SLC30A5: variants seen among roughly 807,000 people sequenced by gnomAD.
The protein encoded by SLC30A5 is proton-coupled zinc antiporter SLC30A5.
SLC30A5 carries 33 observed loss-of-function variants against 79.6 expected under a neutral mutation model. The ratio of observed to expected loss-of-function variants is 0.41; its 90% CI spans 0.31 to 0.55. The LOEUF is 0.55. SLC30A5 is among the 20% of genes least tolerant of loss of function. The probability of loss-of-function intolerance (pLI) is 0.20; values close to 1 mark genes in which losing one functional copy is unlikely to be tolerated. For missense variants in SLC30A5, 788 were observed against 928.1 expected, an observed-to-expected ratio of 0.85 and a Z score of 1.96; for synonymous variants, 299 against 319.7, an observed-to-expected ratio of 0.94 and a Z score of 0.69.
At chr5:69,104,313 T>C (rs1746020917) in intron 3 of SLC30A5, 1 of 515,370 alleles carries the variant, frequency 1.9e-6, no homozygotes, top group Admixed American at 4.7e-5. Flanking sequence ...CATTTTTGTA[T>C]TTTTAGTAGA....
chr5:69,097,105 TTTTC>T (rs1255631065), intron 1 of SLC30A5, among the ~76,000 whole-genome samples: 13 of 134,878 alleles, frequency 9.6e-5, no homozygotes, highest in African/African-American at 3.8e-4. Context: ...CTTCCTCTCT[TTTTC>T]TTTTTTTTTT....
At chr5:69,098,616 A>C (rs1446756353) in intron 1 of SLC30A5, among the ~76,000 whole-genome samples, 3 of 152,244 alleles carry the variant, frequency 2.0e-5, no homozygotes, top group Non-Finnish European at 4.4e-5. Flanking sequence ...TCATTTAATA[A>C]ATACTCAAGT....
At position 69,117,259 on chromosome 5, in the gene SLC30A5, A is replaced by G. The variant is rs758642308; in HGVS notation, c.1302A>G (p.Leu434=). The G allele has an allele frequency of 6.2e-7, 1 of 1,612,660 alleles. No homozygotes were observed. The highest frequency in any genetic ancestry group is 8.5e-7 in the Non-Finnish European group (1 of 1,179,258). The part of the protein sequence containing the change: ...CLNLLFTFVE[L]FYGVLTNSLG... ...TTTAGCTTTTTACCTTTGTGGAATT[A>G]TTCTATGGCGTGCTGACCAATAGTC... The change falls in exon 11 of 16, where the codon TTA becomes TTG. Residue 434 remains leucine, a synonymous_variant. Transcript: ENST00000396591.
At chr5:69,105,939 TA>T (rs1746069799) in intron 4 of SLC30A5, among the ~76,000 whole-genome samples, 1 of 152,178 alleles carries the variant, frequency 6.6e-6, no homozygotes, top group East Asian at 1.9e-4. Context: ...AGTTATGTCC[TA>T]AAACATCCCC....
In SLC30A5 at chr5:69,104,697, A is replaced by G. The variant is rs774119476; in HGVS notation, c.340A>G (p.Thr114Ala). 2 of 1,593,130 alleles carry G rather than the reference A, an allele frequency of 1.3e-6. No homozygotes were observed. Among genetic ancestry groups the G allele is most frequent in the South Asian group, 1.1e-5 (1 of 87,052 alleles). The change falls in exon 4 of 16, where the codon ACT becomes GCT. Residue 114 changes from threonine (T) to alanine (A), a missense_variant. Coordinates refer to ENST00000396591, the MANE Select transcript of SLC30A5 (RefSeq NM_022902.5). ...IISLLWFFGL[T>A]LCGPLRTLLL... ...TTCACTCTTGTGGTTTTTTGGCCTC[A>G]CTCTTTGTGGACCACTAAGGTAAAT...
At position 69,123,408 on chromosome 5, in the gene SLC30A5, C is replaced by T. The variant is rs1284600913; in HGVS notation, c.1981C>T (p.His661Tyr). The change falls in exon 14 of 16, where the codon CAT becomes TAT. Residue 661 changes from histidine to tyrosine, a missense_variant. His to Tyr is a moderately conservative substitution (Grantham distance 83, BLOSUM62 2). Around this residue, in one of 3 missense-constraint regions of SLC30A5, gnomAD observed 158 missense variants for 156.2 expected, o/e 1.01. Transcript: ENST00000396591. ...GCCACCAGAATATGAAAAAGAACTA[C>T]ATATTGCTTTAGAAAAGGTACTGTA... is the stretch of plus-strand genomic sequence containing the variant. ...RLPPEYEKEL[H>Y]IALEKIQKIE... 3 of 1,612,828 alleles carry T rather than the reference C, an allele frequency of 1.9e-6. No individual in the cohort carries two copies. Among genetic ancestry groups the T allele is most frequent in the African/African-American group, 2.7e-5 (2 of 74,906 alleles).
intron 1 of SLC30A5, among the ~76,000 whole-genome samples, chr5:69,096,967 C>T (rs1745750762): frequency 6.9e-6 from 1 of 145,238 alleles, no homozygotes. Context: ...CCCGCCTTTC[C>T]CCTCCAAAAA....
chr5:69,115,321 G>A lies in SLC30A5; in HGVS notation c.697G>A (p.Gly233Arg). 6.2e-7 allele frequency: 1 copy of A among 1,613,784 alleles called. No homozygotes were observed. The change falls in exon 8 of 16, where the codon GGA becomes AGA. Residue 233 changes from glycine (G) to arginine (R), a missense_variant. By Grantham distance (125) the Gly-to-Arg change is moderately radical. Transcript: ENST00000396591. ...CAGAAAGCTCTCTGTCGACGTTGGT[G>A]GAGCTAAACGTCTTCAAGCTTTATC... ...ASRKLSVDVG[G>R]AKRLQALSHL...
intron 1 of SLC30A5, among the ~76,000 whole-genome samples, chr5:69,100,003 C>G (rs578259250): frequency 2.8e-4 from 43 of 152,354 alleles, no homozygotes; most frequent in African/African-American, 9.9e-4. Context: ...GAGTCTCGCT[C>G]TGTTACCTAG....
intron 5 of SLC30A5, among the ~76,000 whole-genome samples, chr5:69,111,375 G>A (rs1746229451): frequency 6.8e-6 from 1 of 147,580 alleles, no homozygotes. Flanking sequence ...CACAATCTCA[G>A]CTCACTGCAA....
chr5:69,108,247 A>T (rs1746139370), intron 4 of SLC30A5, 102 bp from the exon 5 acceptor site: 9 of 883,726 alleles, frequency 1.0e-5, no homozygotes, highest in Non-Finnish European at 1.6e-5. Context: ...ATGTTTTGTG[A>T]AATCAAGGGG....
At chr5:69,114,655 C>T (rs753612289) in intron 7 of SLC30A5, among the ~76,000 whole-genome samples, 159 bp downstream of exon 7, 12 of 152,150 alleles carry the variant, frequency 7.9e-5, no homozygotes, top group Non-Finnish European at 1.3e-4. Flanking sequence ...CACCTGAGGT[C>T]GGGAGTTCAA....
At chr5:69,124,199 T>G (rs1746613552) in intron 14 of SLC30A5, among the ~76,000 whole-genome samples, 1 of 151,096 alleles carries the variant, frequency 6.6e-6, no homozygotes, top group Non-Finnish European at 1.5e-5. Flanking sequence ...TAAGTTCCCA[T>G]TCTTGTGACC....
intron 5 of SLC30A5, among the ~76,000 whole-genome samples, chr5:69,110,792 T>C (rs1274563718): frequency 6.6e-6 from 1 of 152,004 alleles, no homozygotes; most frequent in Non-Finnish European, 1.5e-5. Context: ...AAAGTATAAA[T>C]CACCCATTTC....
chr5:69,128,004 A>G lies in SLC30A5; in HGVS notation c.1999A>G (p.Ile667Val), dbSNP rs1285022733. Residue 667 changes from isoleucine to valine, a missense_variant and splice_region_variant, in exon 15 of 16, where the codon ATA becomes GTA. Transcript: ENST00000396591. Reference sequence around the variant, plus strand: ...TTATATCACCTCTTTTATTTGACAGATACAGAAAATTGAAGGATTAATATC... The same window carrying G: ...TTATATCACCTCTTTTATTTGACAGGTACAGAAAATTGAAGGATTAATATC... ...EKELHIALEK[I>V]QKIEGLISYR... The G allele has an allele frequency of 6.2e-7, 1 of 1,608,430 alleles. No homozygotes were observed. The highest frequency in any genetic ancestry group is 8.5e-7 in the Non-Finnish European group (1 of 1,176,530).
chr5:69,108,409 C>T lies in SLC30A5; in HGVS notation c.420C>T (p.Phe140=), dbSNP rs1746143790. The change falls in exon 5 of 16, where the codon TTC becomes TTT. Residue 140 remains phenylalanine, a synonymous_variant. Coordinates refer to ENST00000396591, the MANE Select transcript of SLC30A5 (RefSeq NM_022902.5). ...IVVISLLSVL[F]TSSGGGPAKT... The stretch of plus-strand genomic sequence containing the variant: ...TCATTTCACTACTCAGTGTTTTGTT[C>T]ACCAGTTCTGGAGGAGGACCAGCAA... The T allele has an allele frequency of 6.2e-7, 1 of 1,613,574 alleles. No individual in the cohort carries two copies. The highest frequency in any genetic ancestry group is 8.5e-7 in the Non-Finnish European group (1 of 1,179,752).
intron 1 of SLC30A5, among the ~76,000 whole-genome samples, chr5:69,098,246 G>A (rs1006026407): frequency 6.6e-5 from 10 of 152,134 alleles, no homozygotes; most frequent in South Asian, 2.1e-4. Context: ...CTCGCCAGGC[G>A]CGGTGGCTCA....
At chr5:69,121,574 T>C in intron 12 of SLC30A5, 120 bp from the exon 13 acceptor site, 1 of 690,432 alleles carries the variant, frequency 1.4e-6, no homozygotes, top group Non-Finnish European at 2.3e-6. Flanking sequence ...TAGTAAGGTT[T>C]TACTGTGAAT....
intron 2 of SLC30A5, 83 bp downstream of exon 2, chr5:69,101,012 A>G (rs2111936497): frequency 7.5e-7 from 1 of 1,334,702 alleles, no homozygotes; most frequent in Admixed American, 2.5e-5. Flanking sequence ...AAGAAACTTT[A>G]CATACAATAT....
Sources: allele counts gnomAD v4.1 joint callset (sites outside exome capture counted in the v4.1 genomes callset), GRCh38; gene constraint gnomAD v4.1.1; regional missense constraint gnomAD v4.1.1; transcripts MANE v1.5; gene names NCBI Gene and HGNC (gene_info 2026-07-23, HGNC 2026-07-21).